CTBP1: variants seen among roughly 807,000 people sequenced by gnomAD.
CTBP1 encodes C-terminal binding protein 1.
A neutral mutation model predicts 42.1 loss-of-function variants in CTBP1; 11 were observed. The ratio of observed to expected loss-of-function variants is 0.26; its 90% confidence interval spans 0.16 to 0.43. The LOEUF (loss-of-function observed/expected upper bound fraction) is 0.43. CTBP1 is among the 20% of genes least tolerant of loss of function. The pLI, the probability that CTBP1 is intolerant of heterozygous loss-of-function variation, is 1.00. For missense variants in CTBP1, 399 were observed against 624.3 expected, an observed-to-expected ratio of 0.64 and a Z score of 3.85; for synonymous variants, 324 against 277.1, an observed-to-expected ratio of 1.17 and a Z score of -1.68.
At chr4:1,247,620 G>A (rs540891231) in intron 1 of CTBP1, among the ~76,000 whole-genome samples, 1 of 152,316 alleles carries the variant, frequency 6.6e-6, no homozygotes, top group African/African-American at 2.4e-5. Flanking sequence ...GCCCCAAGCT[G>A]CAGACGGGTA....
intron 3 of CTBP1, among the ~76,000 whole-genome samples, chr4:1,232,377 T>C (rs1259178469): frequency 6.6e-6 from 1 of 152,198 alleles, no homozygotes. Flanking sequence ...AGTGACACGA[T>C]CTTGGCTCAC....
chr4:1,239,125 G>A (rs1480019891), intron 2 of CTBP1, among the ~76,000 whole-genome samples: 3 of 152,258 alleles, frequency 2.0e-5, no homozygotes, highest in Non-Finnish European at 4.4e-5. Context: ...CCCAGAACCA[G>A]ATGATTAAAG....
At chr4:1,245,196 G>C in intron 1 of CTBP1, 4 of 985,412 alleles carry the variant, frequency 4.1e-6, no homozygotes, top group Non-Finnish European at 4.8e-6. Context: ...GGGAGCCACC[G>C]CACTCCACGG....
chr4:1,221,709 C>A (rs1729754589), intron 5 of CTBP1: 1 of 353,478 alleles, frequency 2.8e-6, no homozygotes, highest in South Asian at 2.1e-5. Flanking sequence ...GGACCCGGGT[C>A]CTCGCAGGGT....
At chr4:1,221,680 C>T (rs978427874) in intron 5 of CTBP1, 1 of 297,360 alleles carries the variant, frequency 3.4e-6, no homozygotes, top group African/African-American at 2.3e-5. Flanking sequence ...CTGGGGAAGG[C>T]CCTCTGCTCT....
intron 1 of CTBP1, chr4:1,245,459 T>C: frequency 9.1e-6 from 9 of 985,242 alleles, no homozygotes; most frequent in Non-Finnish European, 1.1e-5. Context: ...ACGACACCAC[T>C]GGAGAGACAG....
chr4:1,243,447 A>G, intron 1 of CTBP1: 1 of 985,262 alleles, frequency 1.0e-6, no homozygotes, highest in Non-Finnish European at 1.2e-6. Context: ...TCCTTGTTCC[A>G]AGGCTGCTCC....
intron 1 of CTBP1, chr4:1,245,670 CAGGGTGGCACGGGTGGGCAGGGT>C: frequency 1.0e-6 from 1 of 980,732 alleles, no homozygotes; most frequent in African/African-American, 1.8e-5. Flanking sequence ...GGCGGCAGGG[CAGGGTGGCACGGGTGGGCAGGGT>C]GGCACGGGCG....
intron 5 of CTBP1, among the ~76,000 whole-genome samples, chr4:1,220,686 G>A (rs572750849): frequency 6.6e-6 from 1 of 152,388 alleles, no homozygotes. Context: ...GAGTCCAGAC[G>A]GACCCACTCA....
In CTBP1 at chr4:1,212,964, G is replaced by A. The variant is rs1257745618; in HGVS notation, c.1055C>T (p.Ala352Val). The change falls in exon 9 of 10, where the codon GCC becomes GTC. Residue 352 changes from alanine to valine, a missense_variant. Physicochemically the swap from Ala to Val is moderately conservative, Grantham distance 64. This residue lies in a region of CTBP1 where 309 missense variants were observed against 497.5 expected (regional missense o/e 0.62). Transcript: ENST00000382952. ...KDHLTAATHW[A>V]SMDPAVVHPE... ...GTGCACGACGGCGGGGTCCATGCTG[G>A]CCCAGTGGGTGGCGGCTGTCAGATG... 3 of 1,613,774 alleles carry A rather than the reference G, an allele frequency of 1.9e-6. No homozygotes were observed.
chr4:1,216,285 G>C, intron 5 of CTBP1, 80 bp from the exon 6 acceptor site: 2 of 1,352,990 alleles, frequency 1.5e-6, no homozygotes, highest in Non-Finnish European at 2.0e-6. Context: ...GGTCGGAGTG[G>C]CCTCTGTGCC....
chr4:1,247,300 G>A (rs1375689194), intron 1 of CTBP1, among the ~76,000 whole-genome samples: 1 of 152,186 alleles, frequency 6.6e-6, no homozygotes, highest in African/African-American at 2.4e-5. Flanking sequence ...GCCACCCCCA[G>A]TGCGTGTCCC....
chr4:1,242,262 C>T (rs886743765), intron 1 of CTBP1: 6 of 985,294 alleles, frequency 6.1e-6, no homozygotes, highest in African/African-American at 1.7e-5. Context: ...GCCCAGCCCT[C>T]GGGAGGGTGT....
intron 5 of CTBP1, chr4:1,221,692 G>A (rs1729752606): frequency 6.2e-6 from 2 of 323,434 alleles, no homozygotes; most frequent in Non-Finnish European, 1.2e-5. Context: ...CTCTGCTCTA[G>A]GAAGCGGGAC....
chr4:1,225,266 C>A, intron 5 of CTBP1, 94 bp downstream of exon 5: 1 of 1,407,696 alleles, frequency 7.1e-7, no homozygotes, highest in Non-Finnish European at 9.5e-7. Flanking sequence ...GCAGCAGCCC[C>A]ACCCCGCCCC....
At chr4:1,245,345 CA>C in intron 1 of CTBP1, 1 of 985,468 alleles carries the variant, frequency 1.0e-6, no homozygotes, top group Non-Finnish European at 1.2e-6. Context: ...CACATGCACA[CA>C]ACCTGTGAGC....
In CTBP1 at chr4:1,233,275, C is replaced by G. The variant is rs1731151542; in HGVS notation, c.162+4908G>C. The G allele has an allele frequency of 6.6e-6, 1 of 152,322 alleles. No individual in the cohort carries two copies. The highest frequency in any genetic ancestry group is 2.1e-4 in the South Asian group (1 of 4,830). The allele number at this position is 152,322 out of a possible 1,614,324, so 9.4% of individuals were successfully genotyped here. ...CAGCTTGTGTGTTTTTCCCAGTCAC[C>G]ATGACAACGCCTGCTTGTGTGTTTT... On this transcript the variant is annotated intron_variant, in intron 3 of 9. Transcript: ENST00000382952. The surrounding 1 kb of genome is among the most constrained non-coding windows in gnomAD (Gnocchi z 4.6).
At chr4:1,247,770 G>A (rs1056202677) in intron 1 of CTBP1, among the ~76,000 whole-genome samples, 2 of 135,170 alleles carry the variant, frequency 1.5e-5, no homozygotes, top group African/African-American at 5.2e-5. Context: ...GCCGGGGAGG[G>A]GGGGGGGGCT....
At chr4:1,242,220 C>T (rs1321149342) in intron 1 of CTBP1, 15 of 985,450 alleles carry the variant, frequency 1.5e-5, no homozygotes, top group Non-Finnish European at 1.8e-5. Context: ...AGGGCCAAGC[C>T]TTCCAGTAGA....
Sources: gnomAD v4.1 joint callset for allele counts (sites outside exome capture counted in the v4.1 genomes callset) on GRCh38, gnomAD v4.1.1 for gene constraint, gnomAD v4.1.1 regional missense constraint, Gnocchi (gnomAD v3.1) non-coding constraint, MANE v1.5 for transcripts, NCBI Gene and HGNC (gene_info 2026-07-23, HGNC 2026-07-21) for gene names.